The following TGFBR2 variants were observed in gnomAD, a reference collection of about 807,000 sequenced individuals.
TGFBR2 encodes the protein transforming growth factor beta receptor 2.
Under a neutral mutation model 49.0 loss-of-function variants are expected in TGFBR2, and 18 were observed. The ratio of observed to expected loss-of-function variants is 0.37; its 90% CI spans 0.25 to 0.54. TGFBR2 has a LOEUF of 0.54. TGFBR2 is among the 20% of genes least tolerant of loss of function. The probability of loss-of-function intolerance (pLI) is 0.85; values close to 1 mark genes in which losing one functional copy is unlikely to be tolerated. For synonymous variants in TGFBR2, 282 were observed against 275.9 expected, an observed-to-expected ratio of 1.02 and a Z score of -0.22; for missense variants, 525 against 722.6, an observed-to-expected ratio of 0.73 and a Z score of 3.13.
chr3:30,674,444 A>G (rs1179375944), intron 5 of TGFBR2, among the ~76,000 whole-genome samples, 198 bp downstream of exon 5: 1 of 152,264 alleles, frequency 6.6e-6, no homozygotes, highest in Admixed American at 6.5e-5. Context: ...CATTTGGAGC[A>G]TAAAGCTTTG....
At chr3:30,663,920 G>A (rs571574482) in intron 3 of TGFBR2, among the ~76,000 whole-genome samples, 19 of 136,140 alleles carry the variant, frequency 1.4e-4, no homozygotes, top group Middle Eastern at 4.3e-3. Context: ...CTTGGGCCAA[G>A]TATATTATTT....
intron 3 of TGFBR2, among the ~76,000 whole-genome samples, chr3:30,655,739 G>T (rs1698982303): frequency 6.6e-6 from 1 of 152,180 alleles, no homozygotes; most frequent in Non-Finnish European, 1.5e-5. Flanking sequence ...GTACCTGTGG[G>T]TTGTTGTGGG....
intron 1 of TGFBR2, among the ~76,000 whole-genome samples, chr3:30,610,444 G>A (rs1413927587): frequency 1.3e-5 from 2 of 152,172 alleles, no homozygotes; most frequent in African/African-American, 4.8e-5. Flanking sequence ...CCTTGTCACG[G>A]AGCCCCAGTT....
In TGFBR2 at chr3:30,672,029, G is replaced by A. The variant is rs2125434650; in HGVS notation, c.846G>A (p.Glu282=). The A allele has an allele frequency of 6.2e-7, 1 of 1,614,210 alleles. No homozygotes were observed. The highest frequency in any genetic ancestry group is 8.5e-7 in the Non-Finnish European group (1 of 1,180,032). ...TGGCAGTCAAGATCTTTCCCTATGA[G>A]GAGTATGCCTCTTGGAAGACAGAGA... ...ETVAVKIFPY[E]EYASWKTEKD... Residue 282 remains glutamate (E), a synonymous_variant, in exon 4 of 7, where the codon GAG becomes GAA. Coordinates refer to ENST00000295754, the MANE Select transcript of TGFBR2 (RefSeq NM_003242.6). The surrounding 1 kb of genome is among the most constrained non-coding windows in gnomAD (Gnocchi z 4.5).
At chr3:30,612,470 A>T (rs543244148) in intron 1 of TGFBR2, among the ~76,000 whole-genome samples, 1 of 152,296 alleles carries the variant, frequency 6.6e-6, no homozygotes, top group South Asian at 2.1e-4. Flanking sequence ...ATCTAATGTC[A>T]TCAGTTCAGT....
In TGFBR2 at chr3:30,636,802, A is replaced by C. The variant is rs546047275; in HGVS notation, c.95-7945A>C. The stretch of plus-strand genomic sequence containing the variant: ...GTAACAGGCCAGGCGTGGTGGCTCA[A>C]GCCTGTAATCCCAGCACTTTGGGAG... On this transcript the variant is annotated intron_variant, in intron 1 of 6. Transcript: ENST00000295754. Among the ~76,000 whole-genome samples, 530 of 151,826 alleles carry C rather than the reference A, an allele frequency of 3.5e-3. 1 individual carries two copies. Among genetic ancestry groups the C allele is most frequent in the African/African-American group, 6.9e-3 (287 of 41,392 alleles).
intron 1 of TGFBR2, chr3:30,623,277 A>C: frequency 6.2e-7 from 1 of 1,613,940 alleles, no homozygotes; most frequent in Non-Finnish European, 8.5e-7. Flanking sequence ...AGACATAGTA[A>C]AGTATCATTA....
intron 1 of TGFBR2, among the ~76,000 whole-genome samples, chr3:30,641,391 G>A (rs955625108): frequency 6.6e-6 from 1 of 152,126 alleles, no homozygotes; most frequent in Admixed American, 6.5e-5. Context: ...AAGAATACTG[G>A]TTTAAAACAA....
At position 30,693,376 on chromosome 3, in the gene TGFBR2, T is replaced by C; in HGVS notation, c.*1777T>C. On this transcript the variant is annotated 3_prime_UTR_variant, in exon 7 of 7. Transcript: ENST00000295754. ...ACAAAGTATGAGCTTTAAAACTCCATAGGAAACTTGTTAATCAACAAAGAA... is the reference window on the plus strand; with the variant it reads ...ACAAAGTATGAGCTTTAAAACTCCACAGGAAACTTGTTAATCAACAAAGAA... 4.3e-6 allele frequency: 1 copy of C among 233,648 alleles called. No individual in the cohort carries two copies. The highest frequency in any genetic ancestry group is 8.5e-6 in the Non-Finnish European group (1 of 117,996). 14.5% of individuals were successfully genotyped at this position (233,648 alleles called of 1,614,324 possible). A position where few individuals can be genotyped will look rare whatever the true frequency, so the allele number is the denominator to read the frequency against.
chr3:30,687,117 G>T (rs913242471), intron 5 of TGFBR2, among the ~76,000 whole-genome samples: 9 of 152,122 alleles, frequency 5.9e-5, no homozygotes, highest in African/African-American at 2.2e-4. Context: ...CCCTGCCCAG[G>T]ATATCTAACC....
intron 1 of TGFBR2, among the ~76,000 whole-genome samples, chr3:30,637,846 A>G (rs1249984044): frequency 6.6e-6 from 1 of 152,188 alleles, no homozygotes; most frequent in African/African-American, 2.4e-5. Context: ...AATATCATAA[A>G]TTTTTAGAAG....
intron 3 of TGFBR2, among the ~76,000 whole-genome samples, chr3:30,667,268 A>G (rs1405429038): frequency 6.6e-6 from 1 of 152,212 alleles, no homozygotes; most frequent in Non-Finnish European, 1.5e-5. Flanking sequence ...TGATGAAAAG[A>G]AGCATTTCCT....
chr3:30,648,783 G>A (rs1698824562), intron 2 of TGFBR2, among the ~76,000 whole-genome samples: 3 of 152,058 alleles, frequency 2.0e-5, no homozygotes, highest in Admixed American at 2.0e-4. Context: ...GTCAACTCTG[G>A]GCTGCATGGA....
chr3:30,636,853 A>T (rs966757280), intron 1 of TGFBR2, among the ~76,000 whole-genome samples: 1 of 152,138 alleles, frequency 6.6e-6, no homozygotes, highest in South Asian at 2.1e-4. Context: ...TCACGAGGTC[A>T]GGAGATCGAG....
chr3:30,607,061 C>A, intron 1 of TGFBR2, 84 bp downstream of exon 1: 1 of 1,179,998 alleles, frequency 8.5e-7, no homozygotes, highest in Admixed American at 2.3e-5. Context: ...GACAGTCGGG[C>A]CCGGCAACCC....
rs188008205 is a variant in TGFBR2, at chr3:30,683,898, G to A, written c.1397-4486G>A. On this transcript the variant is annotated intron_variant, in intron 5 of 6. Transcript: ENST00000295754. ...GGTCTCATCCTAGGAACGACCATTG[G>A]TACCCACCTGGCTGGCAGAGGGCTT... 1.1e-4 allele frequency among the ~76,000 whole-genome samples: 17 copies of A among 152,242 alleles called. No homozygotes were observed. The East Asian group carries it at 2.7e-3, about 24-fold the overall frequency.
At chr3:30,650,222 TTC>T in intron 2 of TGFBR2, 46 bp from the exon 3 acceptor site, 1 of 1,577,756 alleles carries the variant, frequency 6.3e-7, no homozygotes, top group Non-Finnish European at 8.7e-7. Flanking sequence ...TTTATTCTCT[TTC>T]TCTCTCTCCC....
At chr3:30,612,754 A>C (rs1698052032) in intron 1 of TGFBR2, among the ~76,000 whole-genome samples, 2 of 149,528 alleles carry the variant, frequency 1.3e-5, no homozygotes, top group Admixed American at 6.7e-5. Context: ...ATCGTGTACA[A>C]CTGCTGATGA....
chr3:30,666,692 A>G (rs1699251086), intron 3 of TGFBR2, among the ~76,000 whole-genome samples: 1 of 134,244 alleles, frequency 7.4e-6, no homozygotes, highest in African/African-American at 2.8e-5. Flanking sequence ...GCTGGAATGC[A>G]GTGGCAGGAT....
Sources: gnomAD v4.1 joint callset for allele counts (sites outside exome capture counted in the v4.1 genomes callset) on GRCh38, gnomAD v4.1.1 for gene constraint, Gnocchi (gnomAD v3.1) non-coding constraint, MANE v1.5 for transcripts, NCBI Gene and HGNC (gene_info 2026-07-23, HGNC 2026-07-21) for gene names.